The following MYO3A variants were observed in gnomAD, a reference collection of about 807,000 sequenced individuals.
MYO3A encodes myosin-IIIa.
Under a neutral mutation model 192.7 loss-of-function variants are expected in MYO3A, and 180 were observed. That is an observed-to-expected ratio of 0.93 (90% CI 0.83 to 1.06). The LOEUF is 1.06. Among genes scored for constraint, MYO3A ranks in the 50% least tolerant of loss-of-function variants. The pLI, the probability that MYO3A is intolerant of heterozygous loss-of-function variation, is 0.00. For missense variants in MYO3A, 1,896 were observed against 1,905.0 expected, an observed-to-expected ratio of 1.00 and a Z score of 0.09; for synonymous variants, 628 against 645.3, an observed-to-expected ratio of 0.97 and a Z score of 0.41.
At chr10:26,134,907 A>C (rs149771103) in intron 20 of MYO3A, among the ~76,000 whole-genome samples, 241 of 152,300 alleles carry the variant, frequency 1.6e-3, no homozygotes, top group African/African-American at 5.7e-3. Flanking sequence ...GAGTTCTTTT[A>C]CTAAAATACA....
chr10:26,172,632 T>C (rs7920488), intron 29 of MYO3A, among the ~76,000 whole-genome samples: 79,858 of 152,092 alleles, frequency 0.53, 21,300 homozygotes, highest in Middle Eastern at 0.59. Context: ...TAAGCATTCT[T>C]AGAGAGGTCA....
chr10:26,156,933 A>T (rs1841167064), intron 25 of MYO3A, among the ~76,000 whole-genome samples: 1 of 152,196 alleles, frequency 6.6e-6, no homozygotes, highest in East Asian at 1.9e-4. Flanking sequence ...AAGGAAATTA[A>T]TATATAAGAA....
At position 26,078,408 on chromosome 10, in the gene MYO3A, C is replaced by T. The variant is rs899558539; in HGVS notation, c.1359+8007C>T. Among the ~76,000 whole-genome samples, 4 of 151,908 alleles carry T rather than the reference C, an allele frequency of 2.6e-5. No homozygotes were observed. The East Asian group carries it at 5.8e-4, about 22-fold the overall frequency. Reference sequence around the variant, plus strand: ...TTTTTCTTTTCTTTTCTTGGTTAATCTTGCTAATGGTCTATCAATTTTATT... The same window carrying T: ...TTTTTCTTTTCTTTTCTTGGTTAATTTTGCTAATGGTCTATCAATTTTATT... On this transcript the variant is annotated intron_variant, in intron 14 of 34. Transcript: ENST00000642920.
At chr10:25,950,062 A>C (rs1837106260) in intron 2 of MYO3A, among the ~76,000 whole-genome samples, 1 of 152,194 alleles carries the variant, frequency 6.6e-6, no homozygotes, top group Non-Finnish European at 1.5e-5. Flanking sequence ...TGTAGCTTAC[A>C]TTCTAATGAA....
intron 20 of MYO3A, among the ~76,000 whole-genome samples, chr10:26,142,913 G>A (rs1055619774): frequency 6.6e-6 from 1 of 152,092 alleles, no homozygotes; most frequent in Non-Finnish European, 1.5e-5. Context: ...TGAAAACTTA[G>A]GATGTCCATA....
intron 6 of MYO3A, among the ~76,000 whole-genome samples, chr10:26,009,516 C>G (rs34992226): frequency 0.13 from 19,749 of 152,180 alleles, 1,548 homozygotes; most frequent in East Asian, 0.35. Context: ...CTGCCTCCTA[C>G]TCTCTCATTG....
intron 17 of MYO3A, among the ~76,000 whole-genome samples, chr10:26,098,390 T>G (rs1179024742): frequency 6.6e-6 from 1 of 152,226 alleles, no homozygotes; most frequent in Non-Finnish European, 1.5e-5. Flanking sequence ...GTGTTTCTTT[T>G]GCTGTGCAGA....
intron 4 of MYO3A, among the ~76,000 whole-genome samples, chr10:25,960,663 A>G (rs1837866935): frequency 1.3e-5 from 2 of 152,216 alleles, no homozygotes; most frequent in Admixed American, 6.6e-5. Context: ...GTGGATCATC[A>G]TAAAGGTCTT....
At chr10:26,100,386 T>C (rs899973588) in intron 17 of MYO3A, among the ~76,000 whole-genome samples, 1 of 152,210 alleles carries the variant, frequency 6.6e-6, no homozygotes. Context: ...TTGAAGAGCT[T>C]TTTGTGTCTC....
rs1023166584 is a variant in MYO3A at position 26,031,830 on chromosome 10, C to G, written c.953+5298C>G. On this transcript the variant is annotated intron_variant, in intron 10 of 34. Coordinates refer to ENST00000642920, the MANE Select transcript of MYO3A (RefSeq NM_017433.5). ...GGAATATTTAACACTTCCTACAGTT[C>G]TTTATTTTATATATCTTGAACATTT... Among the ~76,000 whole-genome samples, 10 of 152,236 alleles carry G rather than the reference C, an allele frequency of 6.6e-5. No individual in the cohort carries two copies. The East Asian group carries it at 1.5e-3, about 24-fold the overall frequency.
At chr10:25,947,266 G>C (rs917339481) in intron 2 of MYO3A, among the ~76,000 whole-genome samples, 1 of 149,466 alleles carries the variant, frequency 6.7e-6, no homozygotes, top group Non-Finnish European at 1.5e-5. Context: ...TTTCCATTTG[G>C]TTCTGTTTAA....
chr10:26,079,525 G>A (rs1047254343), intron 14 of MYO3A, among the ~76,000 whole-genome samples: 2 of 152,056 alleles, frequency 1.3e-5, no homozygotes, highest in African/African-American at 4.8e-5. Context: ...GTGATATACG[G>A]TTGCATTCAT....
At chr10:26,062,111 A>G (rs1834520836) in intron 10 of MYO3A, among the ~76,000 whole-genome samples, 1 of 152,134 alleles carries the variant, frequency 6.6e-6, no homozygotes, top group Non-Finnish European at 1.5e-5. Context: ...ATTCTAAACA[A>G]TCTCCTTATT....
At chr10:25,935,512 T>C (rs1318253880) in intron 1 of MYO3A, among the ~76,000 whole-genome samples, 1 of 152,226 alleles carries the variant, frequency 6.6e-6, no homozygotes, top group Non-Finnish European at 1.5e-5. Flanking sequence ...TTAAGCATTT[T>C]TATAATTCAG....
rs201538580 is a variant in MYO3A, at chr10:26,168,875, G to A, written c.3274+1G>A. ...GAAAGCGCTATAATAATACAGTCAG[G>A]TAATCTCTTTGACATATTTAGATAT... On this transcript the variant is annotated splice_donor_variant, in intron 28 of 34. Transcript: ENST00000642920. LOFTEE classifies it high-confidence loss of function. 2 of 1,607,832 alleles carry A rather than the reference G, an allele frequency of 1.2e-6. No individual in the cohort carries two copies. The highest frequency in any genetic ancestry group is 1.1e-5 in the South Asian group (1 of 90,944).
intron 1 of MYO3A, among the ~76,000 whole-genome samples, chr10:25,935,426 C>G (rs72789908): frequency 5.9e-5 from 9 of 152,284 alleles, no homozygotes; most frequent in Admixed American, 2.0e-4. Context: ...TTTGAAAACT[C>G]AAAAGAATCT....
intron 2 of MYO3A, among the ~76,000 whole-genome samples, chr10:25,946,833 A>G (rs2130483012): frequency 7.4e-6 from 1 of 134,648 alleles, no homozygotes; most frequent in East Asian, 2.3e-4. Context: ...AGCCAAGATC[A>G]CACGACTGCA....
intron 17 of MYO3A, among the ~76,000 whole-genome samples, chr10:26,105,804 A>C (rs1224387623): frequency 6.6e-6 from 1 of 151,776 alleles, no homozygotes; most frequent in East Asian, 1.9e-4. Flanking sequence ...AGTCTCCTAG[A>C]TTTTCTTGAA....
chr10:26,154,073 G>GTTA (rs1840957339), intron 24 of MYO3A, 144 bp downstream of exon 24: 1 of 675,650 alleles, frequency 1.5e-6, no homozygotes, highest in Admixed American at 2.5e-5. Flanking sequence ...AGATATTTAT[G>GTTA]TTATGTTCTT....
Sources: allele counts gnomAD v4.1 joint callset (sites outside exome capture counted in the v4.1 genomes callset), GRCh38; gene constraint gnomAD v4.1.1; transcripts MANE v1.5; gene names NCBI Gene and HGNC (gene_info 2026-07-23, HGNC 2026-07-21).